HMOX1: variants seen among roughly 807,000 people sequenced by gnomAD.
HMOX1 encodes the protein heme oxygenase 1.
HMOX1 carries 22 observed loss-of-function variants against 27.8 expected under a neutral mutation model. That is an observed-to-expected ratio of 0.79 (90% CI 0.57 to 1.13). The LOEUF is 1.13. HMOX1 is among the 50% of genes most tolerant of loss of function. HMOX1 has a pLI of 0.00. For missense variants in HMOX1, 379 were observed against 377.7 expected, an observed-to-expected ratio of 1.00 and a Z score of -0.03; for synonymous variants, 153 against 151.6, an observed-to-expected ratio of 1.01 and a Z score of -0.07.
chr22:35,391,292 G>T (rs1035066929), intron 4 of HMOX1, among the ~76,000 whole-genome samples: 23 of 75,660 alleles, frequency 3.0e-4, no homozygotes, highest in African/African-American at 7.0e-4. Flanking sequence ...TATTTTTTTG[G>T]TTTTTTTTTT....
intron 2 of HMOX1, among the ~76,000 whole-genome samples, chr22:35,385,051 A>T (rs935865094): frequency 1.3e-5 from 2 of 151,908 alleles, no homozygotes; most frequent in African/African-American, 4.8e-5. Context: ...TCCAACCTAA[A>T]TGTCTTAACT....
chr22:35,386,520 C>T (rs6518952), intron 2 of HMOX1, among the ~76,000 whole-genome samples, 165 bp from the exon 3 acceptor site: 15,007 of 152,152 alleles, frequency 0.099, 2,287 homozygotes, highest in African/African-American at 0.33. Context: ...TTGTAAAAAC[C>T]CCTCTGGCTG....
At chr22:35,381,218 C>A (rs779315982) in intron 1 of HMOX1, 22 bp downstream of exon 1, 2 of 1,544,918 alleles carry the variant, frequency 1.3e-6, no homozygotes, top group Admixed American at 3.9e-5. Context: ...GCGCGGGACG[C>A]GGGACGGGCG....
chr22:35,385,857 T>C (rs1461984917), intron 2 of HMOX1, among the ~76,000 whole-genome samples: 2 of 152,020 alleles, frequency 1.3e-5, no homozygotes, highest in African/African-American at 4.8e-5. Flanking sequence ...GGTCTCGAAC[T>C]CCTGATCTCG....
chr22:35,382,947 C>T (rs1265402502), intron 1 of HMOX1, among the ~76,000 whole-genome samples, 159 bp from the exon 2 acceptor site: 4 of 152,200 alleles, frequency 2.6e-5, no homozygotes, highest in Non-Finnish European at 4.4e-5. Flanking sequence ...CGTGAGCCAC[C>T]GTGCCCAGCC....
At position 35,389,962 on chromosome 22, in the gene HMOX1, A is replaced by C. The variant is rs757750519; in HGVS notation, c.735A>C (p.Gln245His). The change falls in exon 4 of 5, where the codon CAA (glutamine) becomes CAC (histidine). Residue 245 changes from glutamine (Q) to histidine (H), a missense_variant and splice_region_variant. Transcript: ENST00000216117. ...GCCAGCGGGCCAGCAACAAAGTGCA[A>C]GGTGAGAGCATCCAGGAAGGGGCAC... Reference protein sequence around the residue: ...GLRQRASNKVQDSAPVETPRG... With the variant: ...GLRQRASNKVHDSAPVETPRG... The C allele has an allele frequency of 1.9e-6, 3 of 1,606,888 alleles. No individual in the cohort carries two copies. The highest frequency in any genetic ancestry group is 2.2e-4 in the Middle Eastern group (1 of 4,650).
intron 4 of HMOX1, among the ~76,000 whole-genome samples, chr22:35,393,155 T>C (rs1240431239): frequency 1.3e-5 from 2 of 152,150 alleles, no homozygotes; most frequent in African/African-American, 4.8e-5. Flanking sequence ...CAGACCTAAT[T>C]GCTGGCAAAG....
intron 2 of HMOX1, among the ~76,000 whole-genome samples, chr22:35,386,086 G>GCCCGCCTACAGGCGCCCGC (rs1452460778): frequency 7.9e-5 from 12 of 151,960 alleles, no homozygotes; most frequent in Non-Finnish European, 1.6e-4. Flanking sequence ...CTCCTGAGTA[G>GCCCGCCTACAGGCGCCCGC]CTGGAACTAC....
In HMOX1 at chr22:35,387,295, G is replaced by A. The variant is rs915619595; in HGVS notation, c.636+119G>A. 4 of 1,192,406 alleles carry A rather than the reference G, an allele frequency of 3.4e-6. No homozygotes were observed. The African/African-American group carries it at 4.5e-5, about 13-fold the overall frequency. 73.9% of individuals were successfully genotyped at this position (1,192,406 alleles called of 1,614,324 possible). A position where few individuals can be genotyped will look rare whatever the true frequency, so the allele number is the denominator to read the frequency against. On this transcript the variant is annotated intron_variant, in intron 3 of 4. Coordinates refer to ENST00000216117, the MANE Select transcript of HMOX1 (RefSeq NM_002133.3). ...GTTAACACAGGGAACCAGAGTTCCAGCACTGCCACTTACTAGCTGGGTGAT... is the reference window on the plus strand; with the variant it reads ...GTTAACACAGGGAACCAGAGTTCCAACACTGCCACTTACTAGCTGGGTGAT...
intron 4 of HMOX1, among the ~76,000 whole-genome samples, chr22:35,391,509 G>A (rs1247625379): frequency 6.7e-6 from 1 of 150,010 alleles, no homozygotes; most frequent in African/African-American, 2.5e-5. Flanking sequence ...GGATGGTCTC[G>A]ATCTCCTGAC....
chr22:35,384,078 CTTTA>C (rs1211546303), intron 2 of HMOX1, among the ~76,000 whole-genome samples: 5 of 151,886 alleles, frequency 3.3e-5, no homozygotes, highest in Admixed American at 1.3e-4. Context: ...ATGAGACATG[CTTTA>C]TTTATTTTAT....
chr22:35,388,231 G>C (rs780604493), intron 3 of HMOX1, among the ~76,000 whole-genome samples: 3 of 152,058 alleles, frequency 2.0e-5, no homozygotes, highest in Non-Finnish European at 4.4e-5. Flanking sequence ...CAGGAAAATG[G>C]CTTGAGCCCA....
At chr22:35,393,033 C>T (rs920431197) in intron 4 of HMOX1, among the ~76,000 whole-genome samples, 1 of 152,034 alleles carries the variant, frequency 6.6e-6, no homozygotes. Flanking sequence ...ATTTTAATAA[C>T]CAGGGATGGG....
rs773615991 is a variant in HMOX1 at position 35,393,612 on chromosome 22, G to A, written c.*14G>A. The A allele has an allele frequency of 1.9e-6, 3 of 1,614,060 alleles. No individual in the cohort carries two copies. The highest frequency in any genetic ancestry group is 2.2e-5 in the South Asian group (2 of 91,076). On this transcript the variant is annotated 3_prime_UTR_variant, in exon 5 of 5. Transcript: ENST00000216117. Reference sequence around the variant, plus strand: ...TATGCCATGTGAATGCAGGCATGCTGGCTCCCAGGGCCATGAACTTTGTCC... The same window carrying A: ...TATGCCATGTGAATGCAGGCATGCTAGCTCCCAGGGCCATGAACTTTGTCC...
intron 1 of HMOX1, among the ~76,000 whole-genome samples, chr22:35,382,814 T>G (rs1412640085): frequency 6.6e-6 from 1 of 151,864 alleles, no homozygotes; most frequent in East Asian, 1.9e-4. Flanking sequence ...CCTGCCACCA[T>G]GCCCGGCTAA....
chr22:35,382,314 A>ATTTGTTT lies in HMOX1; in HGVS notation c.24-774_24-768dup, dbSNP rs895769848. The stretch of plus-strand genomic sequence containing the variant: ...GCGAGAGCCACCATGCCCAGCCTGA[A>ATTTGTTT]TTTGTTTTTTGTTTTTTGTTTTTTT... On this transcript the variant is annotated intron_variant, in intron 1 of 4. Transcript: ENST00000216117. 3.3e-5 allele frequency among the ~76,000 whole-genome samples: 5 copies of ATTTGTTT among 150,032 alleles called. No homozygotes were observed. In the South Asian group the frequency reaches 1.1e-3, roughly 32 times the overall value.
chr22:35,387,580 C>T (rs371928794), intron 3 of HMOX1, among the ~76,000 whole-genome samples: 5 of 152,160 alleles, frequency 3.3e-5, no homozygotes, highest in African/African-American at 1.2e-4. Flanking sequence ...GCCAGGTTGG[C>T]ACTCCCAGGG....
intron 1 of HMOX1, 63 bp downstream of exon 1, chr22:35,381,259 G>A: frequency 6.6e-7 from 1 of 1,525,598 alleles, no homozygotes; most frequent in Non-Finnish European, 8.8e-7. Context: ...TTGCGTCCTA[G>A]CCCCACCCCG....
intron 4 of HMOX1, 199 bp downstream of exon 4, chr22:35,390,162 G>A (rs1258105076): frequency 1.6e-6 from 1 of 618,536 alleles, no homozygotes; most frequent in Non-Finnish European, 2.9e-6. Flanking sequence ...CTGACTTCAA[G>A]CAATCCTCTT....
Sources: gnomAD v4.1 joint callset for allele counts (sites outside exome capture counted in the v4.1 genomes callset) on GRCh38, gnomAD v4.1.1 for gene constraint, MANE v1.5 for transcripts, NCBI Gene and HGNC (gene_info 2026-07-23, HGNC 2026-07-21) for gene names.